IGSF22: variants seen among roughly 807,000 people sequenced by gnomAD.
IGSF22 encodes the protein immunoglobulin superfamily member 22.
IGSF22 carries 119 observed loss-of-function variants against 127.0 expected under a neutral mutation model. The observed-to-expected ratio is 0.94, with a 90% CI of 0.81 to 1.09. IGSF22 has a LOEUF of 1.09. IGSF22 is among the 50% of genes least tolerant of loss of function. IGSF22 has a pLI of 0.00. For missense variants in IGSF22, 1,518 were observed against 1,716.6 expected, an observed-to-expected ratio of 0.88 and a Z score of 2.04; for synonymous variants, 568 against 664.7, an observed-to-expected ratio of 0.85 and a Z score of 2.24.
chr11:18,705,921 G>A lies in IGSF22; in HGVS notation c.3806C>T (p.Thr1269Ile), dbSNP rs984529900. Residue 1269 changes from threonine to isoleucine, a missense_variant, in exon 22 of 23, where the codon ACC (threonine) becomes ATC (isoleucine). This residue lies in a region of IGSF22 where 1,456 missense variants were observed against 1,644.9 expected (regional missense o/e 0.89). Transcript: ENST00000513874. ...GAGCGTGCAGGTGGGGATGACGAGG[G>A]TGCACACGCCGCTGGTGGAGTTGTA... is the stretch of plus-strand genomic sequence containing the variant. ...FWYNSTSGVC[T>I]LVIPTCTLKD... 1 of 1,551,718 alleles carries A rather than the reference G, an allele frequency of 6.4e-7. No individual in the cohort carries two copies. The highest frequency in any genetic ancestry group is 1.2e-5 in the South Asian group (1 of 84,056).
At chr11:18,720,351 A>AAGGT (rs1848548837) in intron 4 of IGSF22, 66 bp from the exon 5 acceptor site, 2 of 1,305,868 alleles carry the variant, frequency 1.5e-6, no homozygotes, top group Admixed American at 1.9e-5. Flanking sequence ...TCTGTCAGAT[A>AAGGT]AGGTAGGAGG....
In IGSF22 at chr11:18,709,806, T is replaced by A; in HGVS notation, c.2702-123A>T. ...CTACTTCTAGCTCCAGATCCCTCAG[T>A]TAACACCCTTAGTACCTAGCCTTAT... On this transcript the variant is annotated intron_variant, in intron 17 of 22. Coordinates refer to ENST00000513874, the MANE Select transcript of IGSF22 (RefSeq NM_173588.4). This position sits in a 1 kb window ranked among gnomAD's most constrained non-coding sequence, Gnocchi z 4.8. The A allele has an allele frequency of 1.1e-6, 1 of 939,662 alleles. No homozygotes were observed. The highest frequency in any genetic ancestry group is 1.6e-6 in the Non-Finnish European group (1 of 631,216). 58.2% of individuals were successfully genotyped at this position (939,662 alleles called of 1,614,324 possible).
intron 1 of IGSF22, 127 bp from the exon 2 acceptor site, chr11:18,724,396 G>A (rs1218115052): frequency 3.7e-6 from 2 of 537,372 alleles, no homozygotes; most frequent in African/African-American, 1.9e-5. Flanking sequence ...GAGCAGTCGA[G>A]CTCTCTTTTC....
intron 12 of IGSF22, 24 bp downstream of exon 12, chr11:18,714,476 C>A (rs758401256): frequency 9.9e-6 from 16 of 1,614,104 alleles, no homozygotes; most frequent in East Asian, 6.7e-5. Context: ...TCCTTCACCC[C>A]CTTCCCTGGC....
At chr11:18,721,767 G>C (rs1193549763) in intron 3 of IGSF22, 96 bp from the exon 4 acceptor site, 7 of 1,592,442 alleles carry the variant, frequency 4.4e-6, no homozygotes, top group Non-Finnish European at 6.0e-6. Flanking sequence ...AGACACCTGG[G>C]CCTGGCCCCG....
Position 18,706,131 on chromosome 11 carries a change from G to A in IGSF22, c.3596C>T (p.Ala1199Val). The part of the protein sequence containing the change: ...INKDQIQDLS[A>V]KLKPYEKKDW... Reference sequence around the variant, plus strand: ...CTTCTTCTCGTAGGGCTTGAGCTTGGCGCTCAGGTCCTGGACTGCGCGGGC... The same window carrying A: ...CTTCTTCTCGTAGGGCTTGAGCTTGACGCTCAGGTCCTGGACTGCGCGGGC... The change falls in exon 22 of 23, where the codon GCC (alanine) becomes GTC (valine). Residue 1199 changes from alanine to valine, a missense_variant. Physicochemically the swap from Ala to Val is moderately conservative, Grantham distance 64 (BLOSUM62 0). Coordinates refer to ENST00000513874, the MANE Select transcript of IGSF22 (RefSeq NM_173588.4). 1 of 1,542,080 alleles carries A rather than the reference G, an allele frequency of 6.5e-7. No homozygotes were observed. Among genetic ancestry groups the A allele is most frequent in the Non-Finnish European group, 8.7e-7 (1 of 1,146,558 alleles).
chr11:18,718,572 G>A (rs751273241), intron 8 of IGSF22, 43 bp downstream of exon 8: 2 of 1,056,892 alleles, frequency 1.9e-6, no homozygotes. Context: ...GGGTAGAGAG[G>A]AAGAGATATT....
intron 9 of IGSF22, among the ~76,000 whole-genome samples, chr11:18,717,407 A>G (rs982811977): frequency 1.4e-5 from 2 of 144,274 alleles, no homozygotes; most frequent in Non-Finnish European, 3.0e-5. Context: ...CTAGTAGTTT[A>G]GCTCCAGAGT....
Position 18,705,862 on chromosome 11 carries a change from TCTC to T in IGSF22, c.3862_3864del (p.Glu1288del). On this transcript the variant is annotated inframe_deletion, in exon 22 of 23. Transcript: ENST00000513874. ...CTGCTGCGGTCCTTGCCCAGCTCGT[TCTC>T]CACCAGCACGCTGTAATCGCCGCTG... 6.4e-7 allele frequency: 1 copy of T among 1,551,088 alleles called. No individual in the cohort carries two copies. Among genetic ancestry groups the T allele is most frequent in the Non-Finnish European group, 8.7e-7 (1 of 1,146,926 alleles).
chr11:18,704,694 C>G (rs759508959), intron 22 of IGSF22, 156 bp from the exon 23 acceptor site: 7 of 622,334 alleles, frequency 1.1e-5, no homozygotes, highest in Non-Finnish European at 2.0e-5. Flanking sequence ...TGCCATTTAT[C>G]TAGCACTTAA....
At position 18,705,899 on chromosome 11, in the gene IGSF22, C is replaced by T; in HGVS notation, c.3828G>A (p.Thr1276=). The change falls in exon 22 of 23, where the codon ACG becomes ACA. Residue 1276 remains threonine (T), a synonymous_variant. Transcript: ENST00000513874. ...CGCTGTAATCGCCGCTGTCCTTGAGCGTGCAGGTGGGGATGACGAGGGTGC... is the reference window on the plus strand; with the variant it reads ...CGCTGTAATCGCCGCTGTCCTTGAGTGTGCAGGTGGGGATGACGAGGGTGC... The part of the protein sequence containing the change: ...GVCTLVIPTC[T]LKDSGDYSVL... 1.3e-6 allele frequency: 2 copies of T among 1,551,686 alleles called. No individual in the cohort carries two copies. The highest frequency in any genetic ancestry group is 1.7e-6 in the Non-Finnish European group (2 of 1,146,982).
chr11:18,725,130 T>C (rs572225861), intron 1 of IGSF22, among the ~76,000 whole-genome samples: 4 of 152,212 alleles, frequency 2.6e-5, no homozygotes, highest in Non-Finnish European at 4.4e-5. Context: ...TCCTCATTCC[T>C]GTTCAGAGCA....
chr11:18,707,914 T>C lies in IGSF22; in HGVS notation c.3170A>G (p.His1057Arg), dbSNP rs1848275363. 6 of 1,613,580 alleles carry C rather than the reference T, an allele frequency of 3.7e-6. No individual in the cohort carries two copies. The highest frequency in any genetic ancestry group is 1.1e-5 in the South Asian group (1 of 91,052). Residue 1057 changes from histidine (H) to arginine (R), a missense_variant, in exon 20 of 23, where the codon CAC (histidine) becomes CGC (arginine). By Grantham distance (29) the His-to-Arg change is conservative. Around this residue, in one of 3 missense-constraint regions of IGSF22, gnomAD observed 1,456 missense variants for 1,644.9 expected, o/e 0.89. Coordinates refer to ENST00000513874, the MANE Select transcript of IGSF22 (RefSeq NM_173588.4). ...GGTGCTATTAATGAGGAACTGGGAG[T>C]GGTTTTTGCTCTTGGTAATTGTCTC... ...GRETITKSKN[H>R]SQFLINSTKR...
Position 18,712,250 on chromosome 11 carries a change from CA to C in IGSF22, c.2229del (p.Gly744AlafsTer8). ...VTQFIVERRA[V>X]GKKSWIKIGE... ...CCTATCTTAATCCAGGACTTCTTGCCAACTGCCCTCCGTTCCACTATGAACT... is the reference window on the plus strand; with the variant it reads ...CCTATCTTAATCCAGGACTTCTTGCCACTGCCCTCCGTTCCACTATGAACT... On this transcript the variant is annotated frameshift_variant, in exon 15 of 23. Transcript: ENST00000513874. LOFTEE classifies it high-confidence loss of function. The C allele has an allele frequency of 6.4e-7, 1 of 1,551,732 alleles. No individual in the cohort carries two copies. The highest frequency in any genetic ancestry group is 8.7e-7 in the Non-Finnish European group (1 of 1,147,000).
Position 18,704,332 on chromosome 11 carries a change from GC to G in IGSF22, c.*135del. 1.5e-6 allele frequency: 1 copy of G among 665,286 alleles called. No homozygotes were observed. The highest frequency in any genetic ancestry group is 1.6e-5 in the South Asian group (1 of 61,034). 41.2% of individuals were successfully genotyped at this position (665,286 alleles called of 1,614,324 possible). A position where few individuals can be genotyped will look rare whatever the true frequency, so the allele number is the denominator to read the frequency against. On this transcript the variant is annotated 3_prime_UTR_variant, in exon 23 of 23. Coordinates refer to ENST00000513874, the MANE Select transcript of IGSF22 (RefSeq NM_173588.4). Reference sequence around the variant, plus strand: ...CGGGAAAGGATGAGTTACGTTTATTGCCCCATCCCTTCACTGAATGTTTACA... The same window carrying G: ...CGGGAAAGGATGAGTTACGTTTATTGCCCATCCCTTCACTGAATGTTTACA...
intron 7 of IGSF22, among the ~76,000 whole-genome samples, 177 bp from the exon 8 acceptor site, chr11:18,718,905 C>T (rs377066762): frequency 4.6e-5 from 7 of 152,108 alleles, no homozygotes; most frequent in Non-Finnish European, 7.4e-5. Context: ...AGGAACATTA[C>T]GGGGGATGAG....
chr11:18,709,267 T>C lies in IGSF22; in HGVS notation c.2998+120A>G. The stretch of plus-strand genomic sequence containing the variant: ...CCTAACTTTGTCCAGGCACAACAAC[T>C]ATGGATGACTTTTTCATGATCCTAG... On this transcript the variant is annotated intron_variant, in intron 18 of 22. Transcript: ENST00000513874. This position sits in a 1 kb window ranked among gnomAD's most constrained non-coding sequence, Gnocchi z 4.8. 3 of 1,067,340 alleles carry C rather than the reference T, an allele frequency of 2.8e-6. No homozygotes were observed. Among genetic ancestry groups the C allele is most frequent in the East Asian group, 2.5e-5 (1 of 40,224 alleles). 66.1% of individuals were successfully genotyped at this position (1,067,340 alleles called of 1,614,324 possible).
rs371560934 is a variant in IGSF22, at chr11:18,714,065, T to C, written c.1882A>G (p.Lys628Glu). Residue 628 changes from lysine (K) to glutamate (E), a missense_variant, in exon 14 of 23, where the codon AAG (lysine) becomes GAG (glutamate). Lys to Glu is a moderately conservative substitution (Grantham distance 56). This residue lies in a region of IGSF22 where 1,456 missense variants were observed against 1,644.9 expected (regional missense o/e 0.89). Transcript: ENST00000513874. ...TVKVGHTAHI[K>E]VPFRGKPLPK... ...AGTGGTTTTCCCCGGAAGGGGACCT[T>C]GATGTGGGCCGTGTGGCCTACCTTC... The C allele has an allele frequency of 2.0e-5, 33 of 1,614,248 alleles. No individual in the cohort carries two copies. In the African/African-American group the frequency reaches 4.4e-4, roughly 22 times the overall value.
intron 9 of IGSF22, among the ~76,000 whole-genome samples, chr11:18,717,550 C>T (rs143637120): frequency 6.6e-6 from 1 of 152,216 alleles, no homozygotes; most frequent in African/African-American, 2.4e-5. Context: ...TGTGTGCCAC[C>T]ATACCTGGCC....
Sources: gnomAD v4.1 joint callset for allele counts (sites outside exome capture counted in the v4.1 genomes callset) on GRCh38, gnomAD v4.1.1 for gene constraint, gnomAD v4.1.1 regional missense constraint, Gnocchi (gnomAD v3.1) non-coding constraint, MANE v1.5 for transcripts, NCBI Gene and HGNC (gene_info 2026-07-23, HGNC 2026-07-21) for gene names.